Variants in MOG observed in about 807,000 individuals in gnomAD.
MOG encodes myelin-oligodendrocyte glycoprotein.
Under a neutral mutation model 35.9 loss-of-function variants are expected in MOG, and 20 were observed. That is an observed-to-expected ratio of 0.56 (90% CI 0.39 to 0.81). The LOEUF is 0.81. MOG is among the 30% of genes least tolerant of loss of function. The pLI is 0.00. For missense variants in MOG, 251 were observed against 301.0 expected (o/e 0.83, Z 1.23); for synonymous variants, 92 against 114.3 (o/e 0.80, Z 1.25).
intron 2 of MOG, among the ~76,000 whole-genome samples, 185 bp from the exon 3 acceptor site, chr6:29,665,967 C>T (rs1235052786): frequency 1.3e-5 from 2 of 150,484 alleles, no homozygotes; most frequent in Non-Finnish European, 2.9e-5. Flanking sequence ...AAATCACTAG[C>T]ATTTCCTGGA....
intron 2 of MOG, among the ~76,000 whole-genome samples, chr6:29,663,008 A>G (rs1769212625): frequency 1.3e-5 from 2 of 152,070 alleles, no homozygotes; most frequent in Admixed American, 1.3e-4. Flanking sequence ...GGTGGCTCAC[A>G]CCTGTAATCC....
chr6:29,657,818 T>A (rs1767505438), intron 1 of MOG, among the ~76,000 whole-genome samples: 1 of 152,014 alleles, frequency 6.6e-6, no homozygotes, highest in Non-Finnish European at 1.5e-5. Context: ...CTAATTTTTT[T>A]ATTTTTAGTA....
At position 29,671,580 on chromosome 6, in the gene MOG, G is replaced by C. The variant is rs944730499; in HGVS notation, c.*395G>C. ...TTACAGTATGGTAACTTTGCAAATG[G>C]TGGTTGTTTCTTCCAAGACTCCAGC... On this transcript the variant is annotated 3_prime_UTR_variant, in exon 8 of 8. Coordinates refer to ENST00000376917, the MANE Select transcript of MOG (RefSeq NM_206809.4). 3.9e-6 allele frequency: 3 copies of C among 776,264 alleles called. No individual in the cohort carries two copies. The highest frequency in any genetic ancestry group is 6.8e-6 in the Non-Finnish European group (3 of 438,490). 48.1% of individuals were successfully genotyped at this position (776,264 alleles called of 1,614,324 possible).
intron 2 of MOG, among the ~76,000 whole-genome samples, chr6:29,660,977 G>A (rs1483905175): frequency 6.6e-6 from 1 of 152,082 alleles, no homozygotes; most frequent in Non-Finnish European, 1.5e-5. Flanking sequence ...CCAAAGTGCT[G>A]GGATTACAGG....
intron 5 of MOG, among the ~76,000 whole-genome samples, chr6:29,668,846 C>T (rs1260064480): frequency 5.3e-5 from 8 of 151,978 alleles, no homozygotes; most frequent in Non-Finnish European, 7.4e-5. Flanking sequence ...AAATAGAACA[C>T]ATAGGATTGC....
At chr6:29,668,739 A>G (rs1344370361) in intron 5 of MOG, among the ~76,000 whole-genome samples, 2 of 152,176 alleles carry the variant, frequency 1.3e-5, no homozygotes, top group Non-Finnish European at 2.9e-5. Context: ...GGACTTGACT[A>G]TGAAAGGTCT....
rs1771237186 is a variant in MOG, at chr6:29,670,522, C to T, written c.709+125C>T. ...GGGGAGCTGGGATTTCCTTATTCCT[C>T]TGTCCCCATGCCCAACCCCAGGCTC... On this transcript the variant is annotated intron_variant, in intron 6 of 7. Transcript: ENST00000376917. The surrounding 1 kb of genome is among the most constrained non-coding windows in gnomAD (Gnocchi z 4.2). The T allele has an allele frequency of 6.7e-7, 1 of 1,489,868 alleles. No homozygotes were observed. Among genetic ancestry groups the T allele is most frequent in the Non-Finnish European group, 9.3e-7 (1 of 1,073,422 alleles). 92.3% of individuals were successfully genotyped at this position (1,489,868 alleles called of 1,614,324 possible).
intron 2 of MOG, among the ~76,000 whole-genome samples, chr6:29,665,507 T>C (rs1198356274): frequency 2.0e-5 from 3 of 152,172 alleles, no homozygotes; most frequent in Admixed American, 6.5e-5. Context: ...TAAAGTTTAC[T>C]GAAAATAAAT....
At position 29,671,161 on chromosome 6, in the gene MOG, CCTT is replaced by C. The variant is rs765845746; in HGVS notation, c.731-5_731-3del. Reference sequence around the variant, plus strand: ...ACATACGTTTTTCAAGTTATTTTCTCCTTCTTCTAGGAAATCCCTTCTGAGTGA... The same window carrying C: ...ACATACGTTTTTCAAGTTATTTTCTCCTTCTAGGAAATCCCTTCTGAGTGA... On this transcript the variant is annotated splice_polypyrimidine_tract_variant and splice_region_variant and intron_variant, in intron 7 of 7. Transcript: ENST00000376917. 5.6e-6 allele frequency: 9 copies of C among 1,612,978 alleles called. No individual in the cohort carries two copies. Among genetic ancestry groups the C allele is most frequent in the South Asian group, 1.1e-5 (1 of 91,074 alleles).
In MOG at chr6:29,671,242, T is replaced by C. The variant is rs1038098814; in HGVS notation, c.*57T>C. 6.2e-7 allele frequency: 1 copy of C among 1,612,474 alleles called. No individual in the cohort carries two copies. The highest frequency in any genetic ancestry group is 1.3e-5 in the African/African-American group (1 of 75,064). Reference sequence around the variant, plus strand: ...AGCCTGGTTGCCCAGGGATTTGTCCTTGGGGACATCTCATCCATCAAGTTG... The same window carrying C: ...AGCCTGGTTGCCCAGGGATTTGTCCCTGGGGACATCTCATCCATCAAGTTG... On this transcript the variant is annotated 3_prime_UTR_variant, in exon 8 of 8. Coordinates refer to ENST00000376917, the MANE Select transcript of MOG (RefSeq NM_206809.4).
At position 29,658,846 on chromosome 6, in the gene MOG, G is replaced by C. The variant is rs188685763; in HGVS notation, c.89-473G>C. On this transcript the variant is annotated intron_variant, in intron 1 of 7. Coordinates refer to ENST00000376917, the MANE Select transcript of MOG (RefSeq NM_206809.4). ...AGGAAACTTGAGGCCGGGTGTGGTG[G>C]TTTATGCCCATAATCCCAGCGCTTT... Among the ~76,000 whole-genome samples, 69 of 152,326 alleles carry C rather than the reference G, an allele frequency of 4.5e-4. No individual in the cohort carries two copies. In the South Asian group the frequency reaches 7.3e-3, roughly 16 times the overall value.
chr6:29,671,243 TGG>T lies in MOG; in HGVS notation c.*61_*62del, dbSNP rs1771404295. 2 of 1,612,312 alleles carry T rather than the reference TGG, an allele frequency of 1.2e-6. No individual in the cohort carries two copies. The highest frequency in any genetic ancestry group is 1.7e-5 in the Admixed American group (1 of 60,014). ...GCCTGGTTGCCCAGGGATTTGTCCT[TGG>T]GGACATCTCATCCATCAAGTTGCAC... On this transcript the variant is annotated 3_prime_UTR_variant, in exon 8 of 8. Coordinates refer to ENST00000376917, the MANE Select transcript of MOG (RefSeq NM_206809.4).
intron 1 of MOG, 141 bp from the exon 2 acceptor site, chr6:29,659,178 C>A: frequency 1.4e-6 from 1 of 737,192 alleles, no homozygotes; most frequent in Non-Finnish European, 2.4e-6. Flanking sequence ...AGAACAATTG[C>A]AATCCTCCCT....
chr6:29,659,320 G>A lies in MOG; in HGVS notation c.90G>A (p.Gly30=). The change falls in exon 2 of 8, where the codon GGG becomes GGA. Residue 30 remains glycine, a splice_region_variant and synonymous_variant. Transcript: ENST00000376917. The stretch of plus-strand genomic sequence containing the variant: ...TCTTCCTTTTGGTGTCTTGGACAGG[G>A]CAGTTCAGAGTGATAGGACCAAGAC... The part of the protein sequence containing the change: ...LLLQVSSSYA[G]QFRVIGPRHP... 1 of 1,612,938 alleles carries A rather than the reference G, an allele frequency of 6.2e-7. No individual in the cohort carries two copies. The highest frequency in any genetic ancestry group is 8.5e-7 in the Non-Finnish European group (1 of 1,179,996).
intron 1 of MOG, among the ~76,000 whole-genome samples, chr6:29,658,618 G>A (rs952334322): frequency 2.0e-5 from 3 of 152,170 alleles, no homozygotes; most frequent in Non-Finnish European, 2.9e-5. Flanking sequence ...TCCTAACAGG[G>A]AGGCCCATAG....
In MOG at chr6:29,667,885, C is replaced by T. The variant is rs752281047; in HGVS notation, c.572-19C>T. 1.9e-6 allele frequency: 3 copies of T among 1,613,804 alleles called. No homozygotes were observed. The highest frequency in any genetic ancestry group is 4.5e-5 in the East Asian group (2 of 44,886). ...TTTGAGTGCCCTACTAAATCCATTTCCATTTGTTTCTCTTTCAGAGAATCT... is the reference window on the plus strand; with the variant it reads ...TTTGAGTGCCCTACTAAATCCATTTTCATTTGTTTCTCTTTCAGAGAATCT... On this transcript the variant is annotated intron_variant, in intron 4 of 7. Transcript: ENST00000376917.
chr6:29,671,729 G>A lies in MOG; in HGVS notation c.*544G>A. On this transcript the variant is annotated 3_prime_UTR_variant, in exon 8 of 8. Transcript: ENST00000376917. ...GTAGCCCCAACCCAAACCTGGAGAT[G>A]GGGAGAAACCTACAGAATACTAGCC... 1.8e-6 allele frequency: 1 copy of A among 541,442 alleles called. No homozygotes were observed. Among genetic ancestry groups the A allele is most frequent in the Non-Finnish European group, 3.3e-6 (1 of 304,358 alleles). The allele number at this position is 541,442 out of a possible 1,614,324, so 33.5% of individuals were successfully genotyped here. A position where few individuals can be genotyped will look rare whatever the true frequency, so the allele number is the denominator to read the frequency against.
intron 2 of MOG, among the ~76,000 whole-genome samples, chr6:29,664,993 G>A (rs1334843785): frequency 2.0e-5 from 3 of 152,066 alleles, no homozygotes; most frequent in Non-Finnish European, 2.9e-5. Flanking sequence ...GAGTTAGGGT[G>A]ACCCTATTAA....
chr6:29,668,991 G>A (rs567990152), intron 5 of MOG, among the ~76,000 whole-genome samples: 8 of 150,598 alleles, frequency 5.3e-5, no homozygotes, highest in East Asian at 3.9e-4. Context: ...GCAATGGCGC[G>A]ATCTAGGCTC....
Sources: gnomAD v4.1 joint callset for allele counts (sites outside exome capture counted in the v4.1 genomes callset) on GRCh38, gnomAD v4.1.1 for gene constraint, Gnocchi (gnomAD v3.1) non-coding constraint, MANE v1.5 for transcripts, NCBI Gene and HGNC (gene_info 2026-07-23, HGNC 2026-07-21) for gene names.